GALNTL6: variants seen among roughly 807,000 people sequenced by gnomAD.
The protein encoded by GALNTL6 is polypeptide N-acetylgalactosaminyltransferase like 6.
A neutral mutation model predicts 73.7 loss-of-function variants in GALNTL6; 46 were observed. The observed-to-expected ratio is 0.62, with a 90% CI of 0.49 to 0.80. GALNTL6 has a LOEUF of 0.80. GALNTL6 is among the 30% of genes least tolerant of loss of function. The pLI is 0.00. For missense variants in GALNTL6, 604 were observed against 755.0 expected, an observed-to-expected ratio of 0.80 and a Z score of 2.34; for synonymous variants, 259 against 263.7, an observed-to-expected ratio of 0.98 and a Z score of 0.17.
At chr4:172,522,226 G>A (rs1173118827) in intron 5 of GALNTL6, among the ~76,000 whole-genome samples, 2 of 151,944 alleles carry the variant, frequency 1.3e-5, no homozygotes, top group African/African-American at 4.8e-5. Flanking sequence ...GATACCAAGT[G>A]AATTATATAA....
intron 2 of GALNTL6, among the ~76,000 whole-genome samples, chr4:171,952,813 G>A (rs1384884229): frequency 6.6e-6 from 1 of 151,866 alleles, no homozygotes; most frequent in Non-Finnish European, 1.5e-5. Flanking sequence ...TCAAAATCCT[G>A]TACCTTTGGG....
chr4:171,928,109 T>C (rs1206045233), intron 2 of GALNTL6, among the ~76,000 whole-genome samples: 1 of 152,210 alleles, frequency 6.6e-6, no homozygotes, highest in African/African-American at 2.4e-5. Flanking sequence ...ATTTTAACTA[T>C]GTTTTTTCAA....
At position 171,907,319 on chromosome 4, in the gene GALNTL6, C is replaced by T. The variant is rs140657363; in HGVS notation, c.138+92601C>T. 1.9e-3 allele frequency among the ~76,000 whole-genome samples: 288 copies of T among 152,184 alleles called. 1 individual carries two copies. The highest frequency in any genetic ancestry group is 0.01 in the Admixed American group (153 of 15,282). Reference sequence around the variant, plus strand: ...AAGTCTCAGATACAAAATCAACGTACGAAAATCACAAGCATTCTTATACAC... The same window carrying T: ...AAGTCTCAGATACAAAATCAACGTATGAAAATCACAAGCATTCTTATACAC... On this transcript the variant is annotated intron_variant, in intron 2 of 12. Transcript: ENST00000506823.
intron 5 of GALNTL6, among the ~76,000 whole-genome samples, chr4:172,387,990 A>AAGC (rs1226647359): frequency 1.3e-5 from 2 of 152,052 alleles, no homozygotes; most frequent in Admixed American, 6.6e-5. Context: ...ACCTCTTTTA[A>AAGC]AGCAGTCATA....
At chr4:173,035,098 T>C (rs1025157832) in intron 12 of GALNTL6, among the ~76,000 whole-genome samples, 8 of 126,720 alleles carry the variant, frequency 6.3e-5, no homozygotes, top group African/African-American at 1.0e-4. Context: ...AAACATTTCT[T>C]TTTTTTTTTA....
chr4:172,458,630 A>G (rs1732496625), intron 5 of GALNTL6, among the ~76,000 whole-genome samples: 2 of 152,192 alleles, frequency 1.3e-5, no homozygotes, highest in African/African-American at 2.4e-5. Flanking sequence ...GAGGAATTGG[A>G]TAAATTCCTG....
chr4:172,807,344 T>C lies in GALNTL6; in HGVS notation c.554-2017T>C, dbSNP rs543804742. Reference sequence around the variant, plus strand: ...GCAAGAGATACAAGATGATGAATTATCAAAATCTCACCAGGCAAAAGAAAA... The same window carrying C: ...GCAAGAGATACAAGATGATGAATTACCAAAATCTCACCAGGCAAAAGAAAA... On this transcript the variant is annotated intron_variant, in intron 5 of 12. Transcript: ENST00000506823. 9.2e-5 allele frequency among the ~76,000 whole-genome samples: 14 copies of C among 152,378 alleles called. No individual in the cohort carries two copies. The South Asian group carries it at 2.9e-3, about 32-fold the overall frequency.
chr4:172,899,286 A>C (rs1746495609), intron 8 of GALNTL6, among the ~76,000 whole-genome samples: 1 of 152,346 alleles, frequency 6.6e-6, no homozygotes, highest in South Asian at 2.1e-4. Flanking sequence ...CTCAGGAAGC[A>C]TAATTGTAGG....
At chr4:171,934,622 C>G (rs905088282) in intron 2 of GALNTL6, among the ~76,000 whole-genome samples, 2 of 151,960 alleles carry the variant, frequency 1.3e-5, no homozygotes, top group Admixed American at 1.3e-4. Flanking sequence ...TACCATGTTA[C>G]CCAGGCTGAT....
At chr4:172,032,500 C>T (rs1285162621) in intron 2 of GALNTL6, among the ~76,000 whole-genome samples, 1 of 151,970 alleles carries the variant, frequency 6.6e-6, no homozygotes, top group Non-Finnish European at 1.5e-5. Context: ...ATAATATGGG[C>T]TGATGGTTGA....
intron 7 of GALNTL6, among the ~76,000 whole-genome samples, chr4:172,829,191 G>A (rs191085654): frequency 1.4e-4 from 22 of 152,260 alleles, no homozygotes; most frequent in East Asian, 1.3e-3. Context: ...TGCACTCTTC[G>A]GAGCGCAAAA....
intron 2 of GALNTL6, among the ~76,000 whole-genome samples, chr4:171,871,575 T>A (rs1234435921): frequency 6.6e-6 from 1 of 152,136 alleles, no homozygotes; most frequent in African/African-American, 2.4e-5. Context: ...ATTGCCCGCA[T>A]CCTTGTATGG....
chr4:171,938,021 T>A (rs558574023), intron 2 of GALNTL6, among the ~76,000 whole-genome samples: 6 of 152,296 alleles, frequency 3.9e-5, no homozygotes, highest in African/African-American at 1.4e-4. Context: ...TGTATAAACC[T>A]AGTTATTTCC....
chr4:172,211,982 T>C (rs544242493), intron 2 of GALNTL6, among the ~76,000 whole-genome samples: 1 of 152,322 alleles, frequency 6.6e-6, no homozygotes, highest in South Asian at 2.1e-4. Flanking sequence ...TTTCCGACCA[T>C]AGCAAGGTGC....
At chr4:172,665,385 A>G (rs1273135099) in intron 5 of GALNTL6, among the ~76,000 whole-genome samples, 1 of 152,242 alleles carries the variant, frequency 6.6e-6, no homozygotes, top group African/African-American at 2.4e-5. Flanking sequence ...CTTCTGCCTG[A>G]AAATGACACA....
intron 5 of GALNTL6, among the ~76,000 whole-genome samples, chr4:172,599,682 T>C (rs1037324873): frequency 6.6e-5 from 10 of 152,274 alleles, no homozygotes; most frequent in Middle Eastern, 3.4e-3. Flanking sequence ...TCATTAACTC[T>C]GCCGGTCTCA....
chr4:172,130,845 G>T (rs1169299989), intron 2 of GALNTL6, among the ~76,000 whole-genome samples: 1 of 151,964 alleles, frequency 6.6e-6, no homozygotes, highest in East Asian at 1.9e-4. Context: ...AAAATGGAGG[G>T]AATTGAACTC....
intron 10 of GALNTL6, among the ~76,000 whole-genome samples, chr4:172,997,416 A>G (rs1579760133): frequency 1.3e-5 from 2 of 152,190 alleles, no homozygotes; most frequent in East Asian, 1.9e-4. Flanking sequence ...GCGAGAGTGC[A>G]GATGAGGAAG....
intron 2 of GALNTL6, among the ~76,000 whole-genome samples, chr4:172,166,897 A>C (rs1215205644): frequency 6.6e-6 from 1 of 152,218 alleles, no homozygotes; most frequent in Non-Finnish European, 1.5e-5. Flanking sequence ...ATTGTAGTAC[A>C]CTGGGTCTCT....
Sources: allele counts gnomAD v4.1 joint callset (sites outside exome capture counted in the v4.1 genomes callset), GRCh38; gene constraint gnomAD v4.1.1; transcripts MANE v1.5; gene names NCBI Gene and HGNC (gene_info 2026-07-23, HGNC 2026-07-21).